The following EPM2A variants were observed in gnomAD, a reference collection of about 807,000 sequenced individuals.
EPM2A encodes EPM2A glucan phosphatase, laforin.
In EPM2A, 21 loss-of-function variants were observed where a neutral mutation model predicts 26.5. The observed-to-expected ratio is 0.79, with a 90% CI of 0.56 to 1.14. The LOEUF is 1.14. EPM2A is among the 50% of genes most tolerant of loss of function. The pLI is 0.00. For missense variants in EPM2A, 458 were observed against 440.8 expected, an observed-to-expected ratio of 1.04 and a Z score of -0.35; for synonymous variants, 217 against 177.6, an observed-to-expected ratio of 1.22 and a Z score of -1.76.
chr6:145,474,694 G>C (rs1395005132), intron 4 of EPM2A, among the ~76,000 whole-genome samples: 2 of 152,226 alleles, frequency 1.3e-5, no homozygotes, highest in Non-Finnish European at 2.9e-5. Context: ...CCTACAGAAT[G>C]GGAGAAAAAT....
intron 2 of EPM2A, among the ~76,000 whole-genome samples, chr6:145,668,455 T>A (rs928646636): frequency 1.3e-5 from 2 of 152,222 alleles, no homozygotes; most frequent in African/African-American, 4.8e-5. Context: ...TCTAGACTTA[T>A]ATGGAATATA....
intron 4 of EPM2A, among the ~76,000 whole-genome samples, chr6:145,429,917 C>T (rs146407906): frequency 3.3e-5 from 5 of 152,278 alleles, no homozygotes; most frequent in African/African-American, 9.6e-5. Flanking sequence ...TTGAAGGAGG[C>T]CAGGCACAGT....
intron 4 of EPM2A, chr6:145,489,692 CT>C (rs1286970662): frequency 7.1e-7 from 1 of 1,399,858 alleles, no homozygotes; most frequent in African/African-American, 1.4e-5. Context: ...TCAGAATCCA[CT>C]GTTGGCTTGC....
chr6:145,734,295 T>A (rs144159808), intron 1 of EPM2A, among the ~76,000 whole-genome samples: 1 of 152,112 alleles, frequency 6.6e-6, no homozygotes, highest in African/African-American at 2.4e-5. Flanking sequence ...GTGAAAGATG[T>A]CCCTAACATA....
intron 2 of EPM2A, among the ~76,000 whole-genome samples, chr6:145,513,314 A>G (rs1375212895): frequency 6.6e-6 from 1 of 152,226 alleles, no homozygotes; most frequent in Non-Finnish European, 1.5e-5. Flanking sequence ...GTTCAACATA[A>G]CTATTCATCA....
intron 1 of EPM2A, among the ~76,000 whole-genome samples, chr6:145,702,924 A>G (rs1782002287): frequency 6.6e-6 from 1 of 152,094 alleles, no homozygotes; most frequent in South Asian, 2.1e-4. Context: ...CTTGTTCTCT[A>G]TTTTTATAAA....
intron 3 of EPM2A, chr6:145,629,743 T>A (rs1211909541): frequency 6.6e-6 from 1 of 152,240 alleles, no homozygotes; most frequent in Non-Finnish European, 1.5e-5. Context: ...GCAAGCTCCC[T>A]GCTGTGCCTG....
At chr6:145,498,885 C>A (rs114371618), downstream of EPM2A, among the ~76,000 whole-genome samples, 1 of 152,130 alleles carries the variant, frequency 6.6e-6, no homozygotes, top group Non-Finnish European at 1.5e-5. Flanking sequence ...TTTCATATCT[C>A]GGCTATTTTG....
At chr6:145,669,081 C>T (rs1779454975) in intron 2 of EPM2A, among the ~76,000 whole-genome samples, 1 of 151,966 alleles carries the variant, frequency 6.6e-6, no homozygotes. Flanking sequence ...ATGAATCAAG[C>T]TGATATTTTC....
At position 145,625,941 on chromosome 6, in the gene EPM2A, A is replaced by G. The variant is rs1261573469; in HGVS notation, c.*1475T>C. On this transcript the variant is annotated 3_prime_UTR_variant, in exon 4 of 4. Coordinates refer to ENST00000367519, the MANE Select transcript of EPM2A (RefSeq NM_005670.4). ...TAGGAAAGTAAGGGCTTTGAATCAA[A>G]CCCAGCTTTGTATCTCACTTCATCT... is the stretch of plus-strand genomic sequence containing the variant. 7 of 1,337,302 alleles carry G rather than the reference A, an allele frequency of 5.2e-6. No individual in the cohort carries two copies. The highest frequency in any genetic ancestry group is 6.9e-6 in the Non-Finnish European group (7 of 1,015,918). The allele number at this position is 1,337,302 out of a possible 1,614,324, so 82.8% of individuals were successfully genotyped here. A position where few individuals can be genotyped will look rare whatever the true frequency, so the allele number is the denominator to read the frequency against.
At chr6:145,650,142 G>A (rs1250581464) in intron 2 of EPM2A, among the ~76,000 whole-genome samples, 1 of 152,176 alleles carries the variant, frequency 6.6e-6, no homozygotes, top group Non-Finnish European at 1.5e-5. Context: ...GGAACGGAAA[G>A]CAATTAGGAA....
intron 4 of EPM2A, among the ~76,000 whole-genome samples, chr6:145,485,105 A>T (rs910741354): frequency 1.3e-5 from 2 of 151,612 alleles, no homozygotes; most frequent in Non-Finnish European, 2.9e-5. Flanking sequence ...CCAATGAAAC[A>T]GTGGGTTCCC....
intron 2 of EPM2A, among the ~76,000 whole-genome samples, chr6:145,521,832 G>A (rs1330445656): frequency 6.6e-6 from 1 of 152,208 alleles, no homozygotes; most frequent in Non-Finnish European, 1.5e-5. Flanking sequence ...TAATGAAAAT[G>A]TCTACAGCAT....
chr6:145,550,455 A>C (rs942457211), intron 2 of EPM2A, among the ~76,000 whole-genome samples: 3 of 151,984 alleles, frequency 2.0e-5, no homozygotes, highest in Non-Finnish European at 4.4e-5. Context: ...GAATTTGTAC[A>C]CCTCTTAGTC....
chr6:145,555,853 T>C (rs1335542294), intron 2 of EPM2A, among the ~76,000 whole-genome samples: 3 of 152,150 alleles, frequency 2.0e-5, no homozygotes, highest in African/African-American at 7.2e-5. Context: ...TAGGACTCCT[T>C]TGTTTTTCCA....
chr6:145,432,511 T>G (rs1778934994), intron 4 of EPM2A, among the ~76,000 whole-genome samples: 1 of 151,866 alleles, frequency 6.6e-6, no homozygotes, highest in African/African-American at 2.4e-5. Context: ...TTTTTTTTTT[T>G]TCTGAACAGT....
At chr6:145,437,426 A>G (rs1779003834) in intron 4 of EPM2A, among the ~76,000 whole-genome samples, 1 of 152,196 alleles carries the variant, frequency 6.6e-6, no homozygotes, top group Non-Finnish European at 1.5e-5. Context: ...CGAATACAGC[A>G]TGTATTTTCC....
rs538153978 is a variant in EPM2A, at chr6:145,423,409, T to C, written c.556-39312A>G. On this transcript the variant is annotated intron_variant, in intron 4 of 4. Transcript: ENST00000638717. ...TCCACCCAGATGTGGTGGCCTTGAC[T>C]GTCAAGTTTACTAAAATCAACCATG... 2.3e-3 allele frequency among the ~76,000 whole-genome samples: 352 copies of C among 152,272 alleles called. 4 individuals are homozygous for C. Among genetic ancestry groups the C allele is most frequent in the African/African-American group, 7.8e-3 (324 of 41,540 alleles).
intron 2 of EPM2A, among the ~76,000 whole-genome samples, chr6:145,588,144 C>T (rs1390066254): frequency 8.5e-5 from 13 of 152,186 alleles, no homozygotes; most frequent in African/African-American, 3.1e-4. Context: ...CAATAATGTG[C>T]CTTTATTTCC....
Sources: gnomAD v4.1 joint callset for allele counts (sites outside exome capture counted in the v4.1 genomes callset) on GRCh38, gnomAD v4.1.1 for gene constraint, MANE v1.5 for transcripts, NCBI Gene and HGNC (gene_info 2026-07-23, HGNC 2026-07-21) for gene names.